Variants in STARD13 observed in about 807,000 individuals in gnomAD.
The protein encoded by STARD13 is StAR related lipid transfer domain containing 13.
In STARD13, 62 loss-of-function variants were observed where a neutral mutation model predicts 106.4. That is an observed-to-expected ratio of 0.58 (90% CI 0.48 to 0.72). The LOEUF is 0.72. STARD13 is among the 30% of genes least tolerant of loss of function. The pLI is 0.00. For synonymous variants in STARD13, 565 were observed against 553.0 expected (o/e 1.02, Z -0.31); for missense variants, 1,387 against 1,424.0 (o/e 0.97, Z 0.42).
At chr13:33,464,037 A>ATATATATGTATATG in the STARD13 span, among the ~76,000 whole-genome samples, 626 of 141,020 alleles carry the variant, frequency 4.4e-3, 7 homozygotes, top group African/African-American at 0.013. Flanking sequence ...ATATATATAT[A>ATATATATGTATATG]TATATGTATA....
intron 1 of STARD13, among the ~76,000 whole-genome samples, chr13:33,212,688 G>A (rs1319696348): frequency 6.6e-6 from 1 of 152,162 alleles, no homozygotes; most frequent in Non-Finnish European, 1.5e-5. Context: ...TCACTCGCAA[G>A]CATTCCAGGT....
chr13:33,589,828 AGCTGAGTTCAATT>A, the STARD13 span, among the ~76,000 whole-genome samples: 1 of 152,090 alleles, frequency 6.6e-6, no homozygotes, highest in African/African-American at 2.4e-5. Context: ...CTTGGTGCAG[AGCTGAGTTCAATT>A]CCTGGATATC....
rs577856728 is a variant in STARD13 at position 33,165,517 on chromosome 13, T to C, written c.242-99A>G. The C allele has an allele frequency of 8.5e-6, 7 of 827,124 alleles. No homozygotes were observed. In the African/African-American group the frequency reaches 1.2e-4, roughly 14 times the overall value. The allele number at this position is 827,124 out of a possible 1,614,324, so 51.2% of individuals were successfully genotyped here. ...GGTCTGTAAAAGCCACTGATTTTAA[T>C]AGCAGTGACTGCCCATCATCATTGT... On this transcript the variant is annotated intron_variant, in intron 2 of 13. Coordinates refer to ENST00000336934, the MANE Select transcript of STARD13 (RefSeq NM_178006.4).
At chr13:33,206,440 C>T (rs1594105665) in intron 1 of STARD13, among the ~76,000 whole-genome samples, 1 of 151,954 alleles carries the variant, frequency 6.6e-6, no homozygotes, top group East Asian at 1.9e-4. Context: ...AAACCAATTC[C>T]AAGGAGAAAA....
At chr13:33,334,589 C>G (rs2077873451) in intron 1 of STARD13, among the ~76,000 whole-genome samples, 1 of 152,120 alleles carries the variant, frequency 6.6e-6, no homozygotes, top group Non-Finnish European at 1.5e-5. Flanking sequence ...AGGAGAGACC[C>G]TCAAGAGGTG....
At chr13:33,660,842 C>T in the STARD13 span, among the ~76,000 whole-genome samples, 12 of 152,192 alleles carry the variant, frequency 7.9e-5, no homozygotes, top group Non-Finnish European at 7.3e-5. Context: ...CCTTGGCCTT[C>T]CAACGTGCTG....
the STARD13 span, among the ~76,000 whole-genome samples, chr13:33,520,594 G>A: frequency 6.6e-6 from 1 of 151,898 alleles, no homozygotes; most frequent in Non-Finnish European, 1.5e-5. Flanking sequence ...CTTGCCCCTC[G>A]GGTAGTGCTA....
intron 1 of STARD13, among the ~76,000 whole-genome samples, chr13:33,198,375 T>A (rs144574379): frequency 1.3e-5 from 2 of 152,180 alleles, no homozygotes; most frequent in Non-Finnish European, 2.9e-5. Flanking sequence ...TCACCCAGCA[T>A]CAGAGCCTTG....
At chr13:33,436,683 G>T in the STARD13 span, among the ~76,000 whole-genome samples, 1 of 152,092 alleles carries the variant, frequency 6.6e-6, no homozygotes, top group Non-Finnish European at 1.5e-5. Context: ...GAGATCTTTT[G>T]GTCCCAGTGG....
At chr13:33,565,941 A>G in the STARD13 span, among the ~76,000 whole-genome samples, 1 of 148,692 alleles carries the variant, frequency 6.7e-6, no homozygotes, top group African/African-American at 2.5e-5. Flanking sequence ...TATCTGTAAA[A>G]TAACTTAATC....
At chr13:33,363,210 GTCCTTTT>G in the STARD13 span, among the ~76,000 whole-genome samples, 1 of 152,006 alleles carries the variant, frequency 6.6e-6, no homozygotes, top group Non-Finnish European at 1.5e-5. Flanking sequence ...TACTTAATCA[GTCCTTTT>G]TCTTGACATC....
the STARD13 span, among the ~76,000 whole-genome samples, chr13:33,552,050 AC>A: frequency 6.6e-6 from 1 of 152,210 alleles, no homozygotes; most frequent in East Asian, 1.9e-4. Flanking sequence ...AATACTTGAG[AC>A]AAAGAGTACA....
intron 3 of STARD13, among the ~76,000 whole-genome samples, chr13:33,153,733 T>C (rs920124890): frequency 2.6e-5 from 4 of 152,356 alleles, no homozygotes; most frequent in African/African-American, 9.6e-5. Flanking sequence ...AATGACCAGT[T>C]TCCTGTGATA....
chr13:33,571,774 CT>C, the STARD13 span, among the ~76,000 whole-genome samples: 1 of 152,132 alleles, frequency 6.6e-6, no homozygotes, highest in Admixed American at 6.6e-5. Flanking sequence ...ACAGAAATAA[CT>C]GCTTGCTGTT....
At chr13:33,332,359 T>C (rs2077846067) in intron 1 of STARD13, among the ~76,000 whole-genome samples, 1 of 152,170 alleles carries the variant, frequency 6.6e-6, no homozygotes, top group East Asian at 1.9e-4. Context: ...AAATTTCATA[T>C]GTTGAAGTCC....
downstream of STARD13, among the ~76,000 whole-genome samples, chr13:33,344,432 T>A (rs193118729): frequency 6.6e-6 from 1 of 152,320 alleles, no homozygotes; most frequent in Admixed American, 6.5e-5. Flanking sequence ...AAAACGGATA[T>A]AAAATACATG....
the STARD13 span, among the ~76,000 whole-genome samples, chr13:33,672,986 A>G: frequency 6.6e-6 from 1 of 152,210 alleles, no homozygotes; most frequent in Admixed American, 6.5e-5. Flanking sequence ...TGCCAATTTA[A>G]GGCAATTTAA....
the STARD13 span, among the ~76,000 whole-genome samples, chr13:33,513,685 TC>T: frequency 1.3e-5 from 2 of 152,298 alleles, no homozygotes; most frequent in East Asian, 3.9e-4. Context: ...AGATTTTTTT[TC>T]ATGCTATGCC....
At chr13:33,363,169 C>A in the STARD13 span, among the ~76,000 whole-genome samples, 1 of 152,222 alleles carries the variant, frequency 6.6e-6, no homozygotes, top group Non-Finnish European at 1.5e-5. Context: ...CATTCCTCAT[C>A]TTGTCTCATG....
Sources: gnomAD v4.1 joint callset for allele counts (sites outside exome capture counted in the v4.1 genomes callset) on GRCh38, gnomAD v4.1.1 for gene constraint, MANE v1.5 for transcripts, NCBI Gene and HGNC (gene_info 2026-07-23, HGNC 2026-07-21) for gene names.